MECOM: variants seen among roughly 807,000 people sequenced by gnomAD.
The protein encoded by MECOM is MDS1 and EVI1 complex locus, also known as histone-lysine N-methyltransferase MECOM.
A neutral mutation model predicts 116.3 loss-of-function variants in MECOM; 13 were observed. That is an observed-to-expected ratio of 0.11 (90% CI 0.07 to 0.18). The LOEUF (loss-of-function observed/expected upper bound fraction) is 0.18. Among genes scored for constraint, MECOM ranks in the 10% least tolerant of loss-of-function variants. The pLI is 1.00. For missense variants in MECOM, 1,299 were observed against 1,509.0 expected (o/e 0.86, Z 2.31); for synonymous variants, 528 against 535.2 (o/e 0.99, Z 0.19).
intron 2 of MECOM, among the ~76,000 whole-genome samples, chr3:169,144,506 T>TA (rs569206015): frequency 2.6e-4 from 40 of 152,272 alleles, no homozygotes; most frequent in African/African-American, 9.1e-4. Flanking sequence ...TGTGAACAAA[T>TA]AAAAAATATA....
chr3:169,137,794 G>T (rs995247421), intron 3 of MECOM, among the ~76,000 whole-genome samples: 2 of 152,038 alleles, frequency 1.3e-5, no homozygotes, highest in Non-Finnish European at 2.9e-5. Context: ...AGAGAGAATT[G>T]TTAGTTCTAG....
chr3:169,255,788 T>C (rs531912012), intron 2 of MECOM, among the ~76,000 whole-genome samples: 1 of 152,152 alleles, frequency 6.6e-6, no homozygotes, highest in Non-Finnish European at 1.5e-5. Flanking sequence ...CCACTTCAAC[T>C]GCCAAGACGA....
chr3:169,428,073 G>C lies in MECOM; in HGVS notation c.38-46549C>G, dbSNP rs199617393. On this transcript the variant is annotated intron_variant, in intron 1 of 16. Transcript: ENST00000651503. ...CAGGTGCCTGTAGTCCCAGCTACTT[G>C]GGAGGCTGAGGCAGAAGAATCGCTT... Among the ~76,000 whole-genome samples the C allele has an allele frequency of 2.0e-5, 3 of 152,146 alleles. No individual in the cohort carries two copies. The East Asian group carries it at 5.8e-4, about 29-fold the overall frequency.
chr3:169,191,896 T>C (rs1028407365), intron 2 of MECOM, among the ~76,000 whole-genome samples: 1 of 151,936 alleles, frequency 6.6e-6, no homozygotes, highest in Admixed American at 6.6e-5. Context: ...TGCAGATATA[T>C]GTCAGATTGT....
At position 169,594,878 on chromosome 3, in the gene MECOM, G is replaced by GAAAA. The variant is rs11371795; in HGVS notation, c.37+68454_37+68457dup. ...CTGACCTTAAAAGCTGGATCTAACTGAAAAAAAAAAAAACAAAAAAAAAAC... is the reference window on the plus strand; with the variant it reads ...CTGACCTTAAAAGCTGGATCTAACTGAAAAAAAAAAAAAAAAACAAAAAAAAAAC... On this transcript the variant is annotated intron_variant, in intron 1 of 16. Transcript: ENST00000651503. Among the ~76,000 whole-genome samples, 59 of 119,772 alleles carry GAAAA rather than the reference G, an allele frequency of 4.9e-4. 3 individuals are homozygous for GAAAA. In the South Asian group the frequency reaches 0.013, roughly 26 times the overall value. 78.6% of individuals were successfully genotyped at this position (119,772 alleles called of 152,430 possible).
intron 2 of MECOM, among the ~76,000 whole-genome samples, chr3:169,229,486 G>A (rs552870180): frequency 1.8e-4 from 28 of 152,234 alleles, no homozygotes; most frequent in African/African-American, 3.4e-4. Flanking sequence ...TGGAGGGGCC[G>A]AGGTTACTAT....
intron 1 of MECOM, among the ~76,000 whole-genome samples, chr3:169,628,414 G>C (rs572222078): frequency 6.6e-5 from 10 of 152,262 alleles, no homozygotes; most frequent in Admixed American, 1.3e-4. Flanking sequence ...GAGAGTTTTT[G>C]TTTAATTTTT....
chr3:169,647,937 G>A (rs1017326650), intron 1 of MECOM, among the ~76,000 whole-genome samples: 7 of 151,930 alleles, frequency 4.6e-5, no homozygotes, highest in Non-Finnish European at 1.5e-5. Flanking sequence ...AGCATTATCC[G>A]CCAGAAAACA....
chr3:169,310,239 C>T (rs1718500756), intron 2 of MECOM, among the ~76,000 whole-genome samples: 1 of 152,188 alleles, frequency 6.6e-6, no homozygotes, highest in Non-Finnish European at 1.5e-5. Context: ...CATTCAACAT[C>T]CAGTCCATAA....
intron 1 of MECOM, among the ~76,000 whole-genome samples, chr3:169,520,197 A>G (rs1757185408): frequency 6.6e-6 from 1 of 152,256 alleles, no homozygotes; most frequent in Admixed American, 6.5e-5. Context: ...ACATTACTGA[A>G]TCCCTAAATT....
intron 1 of MECOM, among the ~76,000 whole-genome samples, chr3:169,628,146 C>T (rs1265151277): frequency 6.6e-6 from 1 of 152,232 alleles, no homozygotes. Flanking sequence ...ACCTCTCCAT[C>T]TCTGAGCCAG....
At chr3:169,349,148 A>G (rs1180914861) in intron 2 of MECOM, among the ~76,000 whole-genome samples, 1 of 150,976 alleles carries the variant, frequency 6.6e-6, no homozygotes, top group East Asian at 2.0e-4. Context: ...TTTTATTTTA[A>G]GGAGCCCTAA....
intron 3 of MECOM, chr3:169,132,015 G>T (rs1479079770): frequency 7.2e-6 from 7 of 973,192 alleles, no homozygotes; most frequent in Non-Finnish European, 8.6e-6. Context: ...AGGTTGAAAG[G>T]ACATGACATA....
At chr3:169,425,745 T>C (rs1303695060) in intron 1 of MECOM, among the ~76,000 whole-genome samples, 1 of 152,110 alleles carries the variant, frequency 6.6e-6, no homozygotes, top group Non-Finnish European at 1.5e-5. Flanking sequence ...TTTATAATAA[T>C]GAAAAATCTA....
chr3:169,485,428 A>C (rs1752004855), intron 1 of MECOM, among the ~76,000 whole-genome samples: 1 of 152,320 alleles, frequency 6.6e-6, no homozygotes, highest in South Asian at 2.1e-4. Context: ...CCTTAGAGAT[A>C]ATTTATTTTC....
At chr3:169,298,340 T>C (rs1325731225) in intron 2 of MECOM, among the ~76,000 whole-genome samples, 1 of 152,008 alleles carries the variant, frequency 6.6e-6, no homozygotes, top group Non-Finnish European at 1.5e-5. Context: ...AAGATACATA[T>C]GTATTAAATG....
At chr3:169,454,371 T>C (rs1746119371) in intron 1 of MECOM, among the ~76,000 whole-genome samples, 1 of 141,780 alleles carries the variant, frequency 7.1e-6, no homozygotes. Context: ...ATGATGGTAA[T>C]GTAGCAACTT....
intron 2 of MECOM, among the ~76,000 whole-genome samples, chr3:169,151,032 T>C (rs1741103141): frequency 6.6e-6 from 1 of 152,216 alleles, no homozygotes; most frequent in African/African-American, 2.4e-5. Context: ...AATATATTAG[T>C]TAAAGCAGTA....
At chr3:169,425,619 G>C (rs1257803898) in intron 1 of MECOM, among the ~76,000 whole-genome samples, 2 of 152,032 alleles carry the variant, frequency 1.3e-5, no homozygotes, top group Non-Finnish European at 2.9e-5. Flanking sequence ...TTACAGCTGA[G>C]GAAACAAAGG....
Sources: allele counts gnomAD v4.1 joint callset (sites outside exome capture counted in the v4.1 genomes callset), GRCh38; gene constraint gnomAD v4.1.1; transcripts MANE v1.5; gene names NCBI Gene and HGNC (gene_info 2026-07-23, HGNC 2026-07-21).